FAR2: variants seen among roughly 807,000 people sequenced by gnomAD.
FAR2 encodes the protein epididymis secretory protein Li 81.
A neutral mutation model predicts 56.0 loss-of-function variants in FAR2; 19 were observed. The observed-to-expected ratio is 0.34, with a 90% CI of 0.24 to 0.50. The LOEUF (loss-of-function observed/expected upper bound fraction) is 0.50, where lower values mean the gene tolerates loss of function less well. Ranked by LOEUF, FAR2 falls within the 20% of genes least tolerant of loss-of-function variation. The pLI is 0.98. For synonymous variants in FAR2, 219 were observed against 218.8 expected, an observed-to-expected ratio of 1.00 and a Z score of -0.01; for missense variants, 508 against 642.2, an observed-to-expected ratio of 0.79 and a Z score of 2.26.
chr12:29,184,417 A>G (rs1950019202), intron 1 of FAR2, among the ~76,000 whole-genome samples: 1 of 134,048 alleles, frequency 7.5e-6, no homozygotes, highest in Non-Finnish European at 1.6e-5. Context: ...AGGCCAATCT[A>G]GCATCTTTTT....
At chr12:29,175,282 C>G (rs560086633) in intron 1 of FAR2, among the ~76,000 whole-genome samples, 1 of 152,198 alleles carries the variant, frequency 6.6e-6, no homozygotes, top group Admixed American at 6.5e-5. Flanking sequence ...AATGAAGCCG[C>G]GGACCTTCGT....
chr12:29,279,238 C>T (rs561621195), intron 2 of FAR2, among the ~76,000 whole-genome samples: 97 of 152,320 alleles, frequency 6.4e-4, no homozygotes, highest in African/African-American at 2.2e-3. Flanking sequence ...TTCTCATGGG[C>T]TCCATACCAA....
intron 9 of FAR2, among the ~76,000 whole-genome samples, chr12:29,319,928 G>A (rs2136809172): frequency 6.6e-6 from 1 of 152,214 alleles, no homozygotes; most frequent in East Asian, 1.9e-4. Flanking sequence ...TTGGCTGGGT[G>A]TGGTGGCTCA....
chr12:29,248,363 G>A (rs547677490), intron 1 of FAR2, among the ~76,000 whole-genome samples: 15 of 152,218 alleles, frequency 9.9e-5, no homozygotes, highest in South Asian at 2.1e-4. Flanking sequence ...TAAGCTGGGC[G>A]TCCAGGGGAG....
At chr12:29,253,701 A>G (rs1948271274) in intron 1 of FAR2, among the ~76,000 whole-genome samples, 2 of 152,170 alleles carry the variant, frequency 1.3e-5, no homozygotes, top group Non-Finnish European at 2.9e-5. Context: ...CAAAATTTAC[A>G]TTTAACTGTG....
At chr12:29,285,769 A>AT (rs568074809) in intron 2 of FAR2, among the ~76,000 whole-genome samples, 1,633 of 152,128 alleles carry the variant, frequency 0.011, 25 homozygotes, top group African/African-American at 0.037. Context: ...AAATACAAAA[A>AT]TTAGCTGGGT....
At chr12:29,162,236 A>C (rs933797006) in intron 1 of FAR2, among the ~76,000 whole-genome samples, 13 of 152,208 alleles carry the variant, frequency 8.5e-5, no homozygotes, top group Non-Finnish European at 1.5e-4. Flanking sequence ...AAGTTATACT[A>C]TCCATCTGAA....
intron 1 of FAR2, among the ~76,000 whole-genome samples, chr12:29,256,318 G>A (rs755591548): frequency 3.3e-5 from 5 of 152,130 alleles, no homozygotes; most frequent in African/African-American, 4.8e-5. Flanking sequence ...CTTCCTAGTA[G>A]CTGAGATTAC....
At chr12:29,291,557 G>A (rs1948967856) in intron 2 of FAR2, 2 of 430,106 alleles carry the variant, frequency 4.7e-6, no homozygotes, top group South Asian at 1.7e-5. Flanking sequence ...ATCAATTGGG[G>A]GACTTGGTGT....
At chr12:29,167,286 A>G (rs998537546) in intron 1 of FAR2, among the ~76,000 whole-genome samples, 3 of 152,110 alleles carry the variant, frequency 2.0e-5, no homozygotes, top group Non-Finnish European at 4.4e-5. Flanking sequence ...CAACTTTTAA[A>G]TTAACATTAT....
At chr12:29,243,477 C>T (rs564985506) in intron 1 of FAR2, among the ~76,000 whole-genome samples, 1 of 152,168 alleles carries the variant, frequency 6.6e-6, no homozygotes, top group African/African-American at 2.4e-5. Flanking sequence ...TTCAATGAAG[C>T]ATTCATCAGA....
chr12:29,251,940 T>G (rs935948065), intron 1 of FAR2, among the ~76,000 whole-genome samples: 1 of 151,986 alleles, frequency 6.6e-6, no homozygotes, highest in South Asian at 2.1e-4. Context: ...ACTAGAAAAT[T>G]TTTTCCTGTC....
intron 1 of FAR2, among the ~76,000 whole-genome samples, chr12:29,197,852 T>A (rs1267879668): frequency 6.6e-6 from 1 of 152,148 alleles, no homozygotes; most frequent in Non-Finnish European, 1.5e-5. Context: ...TAGACATACC[T>A]CAGATATTTG....
At chr12:29,327,252 G>A (rs1591975012) in intron 10 of FAR2, among the ~76,000 whole-genome samples, 2 of 152,174 alleles carry the variant, frequency 1.3e-5, no homozygotes, top group African/African-American at 2.4e-5. Flanking sequence ...TGAAATAAAA[G>A]AAGATACAAA....
At chr12:29,209,741 T>C (rs1346473047) in intron 1 of FAR2, among the ~76,000 whole-genome samples, 1 of 150,828 alleles carries the variant, frequency 6.6e-6, no homozygotes, top group Non-Finnish European at 1.5e-5. Flanking sequence ...AAAGAAAGAA[T>C]AAAAGAATGC....
intron 1 of FAR2, among the ~76,000 whole-genome samples, chr12:29,248,168 A>T (rs987954186): frequency 6.6e-6 from 1 of 152,202 alleles, no homozygotes; most frequent in Non-Finnish European, 1.5e-5. Context: ...GCTGCTTCTG[A>T]TATTATCCAT....
chr12:29,194,521 C>CCACACACACACACACACACACA (rs3222956), intron 1 of FAR2, among the ~76,000 whole-genome samples: 7 of 140,890 alleles, frequency 5.0e-5, no homozygotes, highest in Non-Finnish European at 1.1e-4. Flanking sequence ...GCTAGTGATG[C>CCACACACACACACACACACACA]CACACACACA....
chr12:29,195,417 T>C (rs934925416), intron 1 of FAR2, among the ~76,000 whole-genome samples: 1 of 152,296 alleles, frequency 6.6e-6, no homozygotes, highest in Admixed American at 6.5e-5. Context: ...TACTCTTCCA[T>C]GTCACCATTT....
intron 3 of FAR2, 107 bp downstream of exon 3, chr12:29,293,582 C>T: frequency 1.9e-6 from 2 of 1,060,022 alleles, no homozygotes; most frequent in Non-Finnish European, 2.5e-6. Context: ...AAAAGACATA[C>T]AAAGAAGCAA....
Sources: gnomAD v4.1 joint callset for allele counts (sites outside exome capture counted in the v4.1 genomes callset) on GRCh38, gnomAD v4.1.1 for gene constraint, MANE v1.5 for transcripts, NCBI Gene and HGNC (gene_info 2026-07-23, HGNC 2026-07-21) for gene names.